Variants in SYT1 observed in about 807,000 individuals in gnomAD.
SYT1 encodes the protein synaptotagmin 1.
In SYT1, 8 loss-of-function variants were observed where a neutral mutation model predicts 44.8. That is an observed-to-expected ratio of 0.18 (90% CI 0.10 to 0.32). The LOEUF is 0.32. SYT1 is among the 10% of genes least tolerant of loss of function. The pLI is 1.00. For missense variants in SYT1, 286 were observed against 509.3 expected (o/e 0.56, Z 4.22); for synonymous variants, 154 against 188.8 (o/e 0.82, Z 1.51).
At chr12:79,425,605 C>T (rs960998822) in intron 9 of SYT1, among the ~76,000 whole-genome samples, 1 of 152,070 alleles carries the variant, frequency 6.6e-6, no homozygotes, top group Non-Finnish European at 1.5e-5. Flanking sequence ...CTATGTAAAT[C>T]CCAATAAAAA....
intron 3 of SYT1, among the ~76,000 whole-genome samples, chr12:79,065,629 C>G (rs1875786974): frequency 2.0e-5 from 3 of 151,960 alleles, no homozygotes; most frequent in African/African-American, 7.3e-5. Flanking sequence ...AAAAAAAAGT[C>G]AAGGATGATT....
chr12:79,414,619 A>G (rs1391399434), intron 9 of SYT1, among the ~76,000 whole-genome samples: 1 of 152,186 alleles, frequency 6.6e-6, no homozygotes, highest in African/African-American at 2.4e-5. Flanking sequence ...AATAAAGGGA[A>G]CACTATGATG....
intron 4 of SYT1, among the ~76,000 whole-genome samples, chr12:79,272,485 G>A (rs1878482375): frequency 1.3e-5 from 2 of 152,272 alleles, no homozygotes; most frequent in Non-Finnish European, 2.9e-5. Context: ...AGTTGGATTT[G>A]GGAGTATGTA....
intron 8 of SYT1, among the ~76,000 whole-genome samples, chr12:79,307,979 A>G (rs549609403): frequency 6.6e-6 from 1 of 152,326 alleles, no homozygotes; most frequent in East Asian, 1.9e-4. Flanking sequence ...TGCTGAAATG[A>G]AAGGTGAACC....
chr12:79,006,682 T>C (rs1871110957), intron 2 of SYT1, among the ~76,000 whole-genome samples: 1 of 152,090 alleles, frequency 6.6e-6, no homozygotes, highest in Admixed American at 6.6e-5. Flanking sequence ...GTAGGATCGT[T>C]AGATATTTGT....
At chr12:79,322,451 C>T (rs1455879609) in intron 8 of SYT1, among the ~76,000 whole-genome samples, 1 of 152,116 alleles carries the variant, frequency 6.6e-6, no homozygotes, top group Non-Finnish European at 1.5e-5. Flanking sequence ...TCATCTTTGT[C>T]CTCCAAATGT....
intron 4 of SYT1, among the ~76,000 whole-genome samples, chr12:79,250,327 C>T (rs549969705): frequency 6.6e-6 from 1 of 152,234 alleles, no homozygotes; most frequent in South Asian, 2.1e-4. Flanking sequence ...TGTTCTTACT[C>T]ACTCTTTATT....
At chr12:79,190,490 T>C (rs2138446957) in intron 3 of SYT1, among the ~76,000 whole-genome samples, 1 of 152,256 alleles carries the variant, frequency 6.6e-6, no homozygotes, top group Admixed American at 6.5e-5. Context: ...TCTGACCCCA[T>C]TGCTTTCCAT....
At chr12:78,882,829 A>C (rs1362002650) in intron 1 of SYT1, among the ~76,000 whole-genome samples, 2 of 151,706 alleles carry the variant, frequency 1.3e-5, no homozygotes, top group Admixed American at 6.6e-5. Flanking sequence ...GTTTTTATCC[A>C]ATTGTTTTGA....
intron 3 of SYT1, among the ~76,000 whole-genome samples, chr12:79,066,489 T>TA (rs1875866127): frequency 1.3e-4 from 17 of 132,542 alleles, no homozygotes; most frequent in South Asian, 2.5e-4. Flanking sequence ...AAAAAAAAAA[T>TA]TAAAAAAAAA....
chr12:78,945,267 T>C (rs929563326), intron 1 of SYT1, among the ~76,000 whole-genome samples: 2 of 152,094 alleles, frequency 1.3e-5, no homozygotes, highest in Non-Finnish European at 2.9e-5. Context: ...TTAACTTGAT[T>C]TTTTTTCTTA....
chr12:79,039,733 T>A (rs564717265), intron 2 of SYT1, among the ~76,000 whole-genome samples: 5 of 150,446 alleles, frequency 3.3e-5, no homozygotes, highest in African/African-American at 1.2e-4. Flanking sequence ...TAACTGGTCA[T>A]CTAGCATTAG....
chr12:78,972,468 C>T (rs557649497), intron 1 of SYT1, among the ~76,000 whole-genome samples: 7 of 150,958 alleles, frequency 4.6e-5, no homozygotes, highest in African/African-American at 7.3e-5. Context: ...TGGGAAAAAA[C>T]GAACACACAG....
chr12:78,988,017 T>G (rs1869769644), intron 2 of SYT1, among the ~76,000 whole-genome samples: 2 of 152,110 alleles, frequency 1.3e-5, no homozygotes, highest in South Asian at 4.1e-4. Context: ...TACAAACCAT[T>G]TATTCATTCA....
intron 3 of SYT1, among the ~76,000 whole-genome samples, chr12:79,105,620 C>T (rs902867361): frequency 6.6e-6 from 1 of 152,160 alleles, no homozygotes; most frequent in Non-Finnish European, 1.5e-5. Flanking sequence ...GTGGCTCACG[C>T]CTGTAATCCC....
intron 1 of SYT1, among the ~76,000 whole-genome samples, chr12:78,907,740 C>A (rs1367180403): frequency 1.3e-5 from 2 of 151,998 alleles, no homozygotes; most frequent in Admixed American, 6.6e-5. Flanking sequence ...TGTCATGAAG[C>A]TACCTTTTAT....
intron 4 of SYT1, among the ~76,000 whole-genome samples, chr12:79,261,592 A>G (rs1449052482): frequency 6.6e-6 from 1 of 152,178 alleles, no homozygotes; most frequent in East Asian, 1.9e-4. Context: ...ATTATTTTAA[A>G]TGTTACCAAG....
At chr12:79,045,704 C>T (rs1873995404) in intron 2 of SYT1, 1 of 152,104 alleles carries the variant, frequency 6.6e-6, no homozygotes, top group African/African-American at 2.4e-5. Flanking sequence ...CAAGTTTGCC[C>T]ATTCATCCTT....
intron 3 of SYT1, among the ~76,000 whole-genome samples, chr12:79,156,749 G>A (rs780558352): frequency 2.0e-5 from 3 of 152,140 alleles, no homozygotes; most frequent in South Asian, 2.1e-4. Context: ...TTACAGGCGT[G>A]AGCCACCGCA....
Sources: gnomAD v4.1 joint callset for allele counts (sites outside exome capture counted in the v4.1 genomes callset) on GRCh38, gnomAD v4.1.1 for gene constraint, MANE v1.5 for transcripts, NCBI Gene and HGNC (gene_info 2026-07-23, HGNC 2026-07-21) for gene names.